Variants in SNX29 observed in about 807,000 individuals in gnomAD.
The protein encoded by SNX29 is sorting nexin-29.
Under a neutral mutation model 102.1 loss-of-function variants are expected in SNX29, and 78 were observed. That is an observed-to-expected ratio of 0.76 (90% confidence interval 0.64 to 0.92). The LOEUF is 0.92. Among genes scored for constraint, SNX29 ranks in the 40% least tolerant of loss-of-function variants. The probability of loss-of-function intolerance (pLI) is 0.00; values close to 1 mark genes in which losing one functional copy is unlikely to be tolerated. For synonymous variants in SNX29, 580 were observed against 414.5 expected (o/e 1.40, Z -4.85); for missense variants, 1,280 against 1,061.7 (o/e 1.21, Z -2.86).
Position 12,289,094 on chromosome 16 carries a change from A to G in SNX29, c.1782+11058A>G, listed in dbSNP as rs566774548. 7.9e-5 allele frequency among the ~76,000 whole-genome samples: 12 copies of G among 152,296 alleles called. No individual in the cohort carries two copies. The South Asian group carries it at 2.5e-3, about 32-fold the overall frequency. ...ACGATGGAAGAGATAAGGAGGGAGG[A>G]TGGAAACAGATTCTAGCTGGCGACA... On this transcript the variant is annotated intron_variant, in intron 15 of 20. Transcript: ENST00000566228.
chr16:12,355,700 C>G (rs540446151), intron 15 of SNX29, among the ~76,000 whole-genome samples: 8 of 152,046 alleles, frequency 5.3e-5, no homozygotes, highest in Non-Finnish European at 1.0e-4. Flanking sequence ...TCGAATAATT[C>G]AATTTGGAAA....
chr16:12,013,314 C>A (rs1234170758), intron 3 of SNX29, among the ~76,000 whole-genome samples: 1 of 149,946 alleles, frequency 6.7e-6, no homozygotes, highest in Non-Finnish European at 1.5e-5. Flanking sequence ...TACTTTTCAC[C>A]CATCAGACTG....
intron 8 of SNX29, chr16:12,053,184 A>T (rs914223292): frequency 6.6e-6 from 1 of 151,434 alleles, no homozygotes; most frequent in Non-Finnish European, 1.5e-5. Context: ...AACTCCAGAT[A>T]CTTGGGATGC....
intron 4 of SNX29, among the ~76,000 whole-genome samples, chr16:12,033,638 G>C (rs2057401093): frequency 6.8e-6 from 1 of 147,746 alleles, no homozygotes; most frequent in African/African-American, 2.5e-5. Context: ...GATGGAGTCT[G>C]ATCTGTTGCC....
intron 19 of SNX29, among the ~76,000 whole-genome samples, chr16:12,482,797 C>G (rs945837364): frequency 6.6e-6 from 1 of 152,202 alleles, no homozygotes; most frequent in African/African-American, 2.4e-5. Flanking sequence ...TGGTGATTGT[C>G]TGACAGTTTT....
intron 14 of SNX29, among the ~76,000 whole-genome samples, chr16:12,242,619 C>CTCTCTTCT (rs1353599672): frequency 1.5e-5 from 2 of 132,182 alleles, no homozygotes; most frequent in Non-Finnish European, 3.1e-5. Context: ...TCTCTTCTTC[C>CTCTCTTCT]TCTCTTCTTC....
At chr16:11,983,325 C>T (rs1441403797) in intron 1 of SNX29, among the ~76,000 whole-genome samples, 2 of 148,534 alleles carry the variant, frequency 1.3e-5, no homozygotes, top group Admixed American at 6.8e-5. Context: ...CATCCTGTCT[C>T]AACCTTCCAA....
intron 16 of SNX29, among the ~76,000 whole-genome samples, chr16:12,389,649 C>G (rs774341713): frequency 3.7e-4 from 57 of 152,054 alleles, no homozygotes; most frequent in Non-Finnish European, 7.1e-4. Context: ...AAAAAAAAAT[C>G]ATGTTTGTGT....
intron 3 of SNX29, among the ~76,000 whole-genome samples, chr16:12,019,006 A>G (rs560891826): frequency 1.3e-5 from 2 of 152,236 alleles, no homozygotes; most frequent in African/African-American, 4.8e-5. Flanking sequence ...AAAAAATGCT[A>G]TATCCAAGTT....
chr16:12,310,105 C>A (rs1005053474), intron 15 of SNX29, among the ~76,000 whole-genome samples: 2 of 112,492 alleles, frequency 1.8e-5, no homozygotes, highest in African/African-American at 7.6e-5. Context: ...CACACATGCA[C>A]ACATACACGT....
chr16:12,014,855 T>C (rs769429687), intron 3 of SNX29, among the ~76,000 whole-genome samples: 4 of 152,184 alleles, frequency 2.6e-5, no homozygotes, highest in Non-Finnish European at 5.9e-5. Flanking sequence ...ATTATTTGTA[T>C]GTACCTTTCT....
intron 13 of SNX29, among the ~76,000 whole-genome samples, chr16:12,178,192 G>A (rs1298953104): frequency 1.3e-5 from 2 of 152,196 alleles, no homozygotes; most frequent in Non-Finnish European, 2.9e-5. Flanking sequence ...CAGGGACCCT[G>A]GCAGGATGAG....
intron 16 of SNX29, among the ~76,000 whole-genome samples, chr16:12,377,321 G>C (rs2082912172): frequency 6.6e-6 from 1 of 152,140 alleles, no homozygotes. Context: ...TCGTGAAGTT[G>C]GCTGGGCCAC....
intron 16 of SNX29, among the ~76,000 whole-genome samples, chr16:12,394,234 G>A (rs1009141869): frequency 6.6e-6 from 1 of 152,156 alleles, no homozygotes. Flanking sequence ...CCCATCAGAG[G>A]TCCGTTTACC....
At chr16:12,536,762 G>A (rs368253788) in intron 20 of SNX29, among the ~76,000 whole-genome samples, 2 of 152,296 alleles carry the variant, frequency 1.3e-5, no homozygotes, top group South Asian at 2.1e-4. Context: ...CGGATCAGGA[G>A]GCCAGGAGTT....
chr16:12,308,150 T>C (rs2080401353), intron 15 of SNX29, among the ~76,000 whole-genome samples: 1 of 151,954 alleles, frequency 6.6e-6, no homozygotes, highest in East Asian at 1.9e-4. Context: ...GCTCTGAGGG[T>C]TTTTCCCCAA....
intron 14 of SNX29, among the ~76,000 whole-genome samples, chr16:12,210,484 A>G (rs1343031806): frequency 7.1e-6 from 1 of 140,998 alleles, no homozygotes; most frequent in African/African-American, 2.7e-5. Context: ...GTCCACCATC[A>G]CTCTCGGTGG....
intron 11 of SNX29, among the ~76,000 whole-genome samples, chr16:12,114,612 A>C (rs2053621786): frequency 6.9e-6 from 1 of 144,952 alleles, no homozygotes; most frequent in Non-Finnish European, 1.5e-5. Context: ...CTTGAGACGG[A>C]GTTTTGCTCT....
intron 15 of SNX29, among the ~76,000 whole-genome samples, chr16:12,346,430 T>C (rs931659779): frequency 5.3e-5 from 8 of 152,176 alleles, no homozygotes; most frequent in Non-Finnish European, 8.8e-5. Flanking sequence ...TTAATGTGAT[T>C]TTATGGATGA....
Sources: allele counts gnomAD v4.1 joint callset (sites outside exome capture counted in the v4.1 genomes callset), GRCh38; gene constraint gnomAD v4.1.1; transcripts MANE v1.5; gene names NCBI Gene and HGNC (gene_info 2026-07-23, HGNC 2026-07-21).